Variants in SHANK1 observed in about 807,000 individuals in gnomAD.
SHANK1 encodes SH3 and multiple ankyrin repeat domains protein 1.
SHANK1 carries 35 observed loss-of-function variants against 165.6 expected under a neutral mutation model. The ratio of observed to expected loss-of-function variants is 0.21; its 90% CI spans 0.16 to 0.28. The LOEUF is 0.28. SHANK1 is among the 10% of genes least tolerant of loss of function. SHANK1 has a pLI of 1.00. For synonymous variants in SHANK1, 1,428 were observed against 1,384.8 expected (o/e 1.03, Z -0.69); for missense variants, 2,681 against 3,036.4 (o/e 0.88, Z 2.75).
intron 15 of SHANK1, among the ~76,000 whole-genome samples, chr19:50,694,019 C>CCA (rs398034977): frequency 0.15 from 20,927 of 138,392 alleles, 1,484 homozygotes; most frequent in East Asian, 0.25. Flanking sequence ...CCAGCACACA[C>CCA]CACACACACA....
At position 50,718,918 on chromosome 19, in the gene SHANK1, G is replaced by T. The variant is rs1475295172; in HGVS notation, c.-44+488C>A. On this transcript the variant is annotated intron_variant, in intron 1 of 23. Coordinates refer to ENST00000293441, the MANE Select transcript of SHANK1 (RefSeq NM_016148.5). This position sits in a 1 kb window ranked among gnomAD's most constrained non-coding sequence, Gnocchi z 5.1. ...GTGGGGACGCAGGGAGCTTGGACAG[G>T]GGTGGAAAGGGACTGGAGGAGCCTG... Among the ~76,000 whole-genome samples the T allele has an allele frequency of 3.3e-5, 5 of 151,976 alleles. No individual in the cohort carries two copies. In the East Asian group the frequency reaches 9.8e-4, roughly 30 times the overall value.
intron 21 of SHANK1, among the ~76,000 whole-genome samples, chr19:50,676,176 G>A (rs1031775558): frequency 1.1e-4 from 16 of 151,022 alleles, no homozygotes; most frequent in Non-Finnish European, 1.3e-4. Flanking sequence ...GGTGGCATGT[G>A]CCTGTTATCC....
intron 15 of SHANK1, among the ~76,000 whole-genome samples, chr19:50,696,268 G>A (rs1362000033): frequency 1.2e-4 from 19 of 152,068 alleles, no homozygotes; most frequent in Non-Finnish European, 1.5e-5. Flanking sequence ...CTCGGGGTGT[G>A]GGGGGGTGTA....
At chr19:50,707,881 C>CTT (rs1334357898) in intron 8 of SHANK1, among the ~76,000 whole-genome samples, 1 of 2,596 alleles carries the variant, frequency 3.9e-4, no homozygotes, top group Non-Finnish European at 7.4e-4. Context: ...GCGTGTTTTT[C>CTT]TTTTCTTTTC....
chr19:50,680,116 G>C (rs1440623893), intron 21 of SHANK1, among the ~76,000 whole-genome samples: 4 of 152,054 alleles, frequency 2.6e-5, no homozygotes, highest in Non-Finnish European at 4.4e-5. Context: ...AGACAGATGG[G>C]GGAGAGAGGG....
chr19:50,708,953 A>AG (rs2088976126), intron 8 of SHANK1, among the ~76,000 whole-genome samples: 3 of 152,354 alleles, frequency 2.0e-5, no homozygotes, highest in Middle Eastern at 6.8e-3. Context: ...CAGGAGGCCA[A>AG]GGCGGCAGAG....
intron 8 of SHANK1, among the ~76,000 whole-genome samples, chr19:50,704,724 G>A (rs1323831370): frequency 5.9e-5 from 9 of 152,262 alleles, no homozygotes; most frequent in Non-Finnish European, 8.8e-5. Context: ...CCATGCATGC[G>A]AACTACACAC....
At chr19:50,672,555 C>CAAAAAAAAAAAAAAAA (rs3987747) in intron 21 of SHANK1, among the ~76,000 whole-genome samples, 3 of 35,504 alleles carry the variant, frequency 8.4e-5, no homozygotes, top group Admixed American at 3.2e-4. Flanking sequence ...GACTCTGTCT[C>CAAAAAAAAAAAAAAAA]AAAAAAAAAA....
chr19:50,687,190 C>T (rs1986376564), intron 19 of SHANK1: 1 of 512,144 alleles, frequency 2.0e-6, no homozygotes, highest in Non-Finnish European at 3.4e-6. Context: ...AAATGGGACC[C>T]CCAGGTCCAC....
At position 50,686,158 on chromosome 19, in the gene SHANK1, T is replaced by G; in HGVS notation, c.2577+79A>C. The G allele has an allele frequency of 2.5e-6, 2 of 787,554 alleles. No homozygotes were observed. Among genetic ancestry groups the G allele is most frequent in the Non-Finnish European group, 4.0e-6 (2 of 495,488 alleles). The allele number at this position is 787,554 out of a possible 1,614,324, so 48.8% of individuals were successfully genotyped here. A position where few individuals can be genotyped will look rare whatever the true frequency, so the allele number is the denominator to read the frequency against. On this transcript the variant is annotated intron_variant, in intron 21 of 23. Coordinates refer to ENST00000293441, the MANE Select transcript of SHANK1 (RefSeq NM_016148.5). The surrounding 1 kb of genome is among the most constrained non-coding windows in gnomAD (Gnocchi z 5.7). ...CTAAAGCACAGAGGCGTCAGGAGGG[T>G]TTTGGAAAGAGAAAGGCTCCAGGTT...
At chr19:50,678,250 T>C (rs774308547) in intron 21 of SHANK1, among the ~76,000 whole-genome samples, 9 of 151,112 alleles carry the variant, frequency 6.0e-5, no homozygotes, top group Non-Finnish European at 1.2e-4. Context: ...TGAGATAAAA[T>C]GGGAGGGGTA....
chr19:50,662,077 T>C lies in SHANK1; in HGVS notation c.6374A>G (p.Asp2125Gly). Residue 2125 changes from aspartate to glycine, a missense_variant, in exon 24 of 24, where the codon GAT (aspartate) becomes GGT (glycine). Physicochemically the swap from Asp to Gly is moderately conservative, Grantham distance 94. Transcript: ENST00000293441. This position sits in a 1 kb window ranked among gnomAD's most constrained non-coding sequence, Gnocchi z 7.7. The stretch of plus-strand genomic sequence containing the variant: ...GGTCAAGGCGGGCAGGTGGGAGCCA[T>C]CGATCTCGTGGTCCAGGAACTGGGC... ...HRAQFLDHEI[D>G]GSHLPALTKE... is the part of the protein sequence containing the mutation. The C allele has an allele frequency of 6.2e-7, 1 of 1,614,068 alleles. No individual in the cohort carries two copies. Among genetic ancestry groups the C allele is most frequent in the Non-Finnish European group, 8.5e-7 (1 of 1,180,002 alleles).
rs761408630 is a variant in SHANK1, at chr19:50,666,693, T to C, written c.5267A>G (p.Lys1756Arg). The C allele has an allele frequency of 6.3e-7, 1 of 1,584,356 alleles. No homozygotes were observed. Among genetic ancestry groups the C allele is most frequent in the Non-Finnish European group, 8.6e-7 (1 of 1,167,742 alleles). Residue 1756 changes from lysine to arginine, a missense_variant, in exon 23 of 24, where the codon AAG becomes AGG. By Grantham distance (26) the Lys-to-Arg change is conservative. This residue lies in a region of SHANK1 where 1,713 missense variants were observed against 1,630.2 expected (regional missense o/e 1.05). Transcript: ENST00000293441. ...GGCTCCTAGCGCCCGGCCCCGGAGC[T>C]TAGAGGGAGTCATGAGCTGAGGAGG... Reference protein sequence around the residue: ...PYPPQLMTPSKLRGRALGASG... With the variant: ...PYPPQLMTPSRLRGRALGASG...
At chr19:50,700,766 G>A (rs1309947772) in intron 12 of SHANK1, among the ~76,000 whole-genome samples, 4 of 152,014 alleles carry the variant, frequency 2.6e-5, no homozygotes, top group Non-Finnish European at 4.4e-5. Context: ...CTGCCTGCCC[G>A]GAAGGTCCTT....
chr19:50,668,144 C>T lies in SHANK1; in HGVS notation c.3816G>A (p.Leu1272=). The stretch of plus-strand genomic sequence containing the variant: ...GCGGGCCCGGGGCCGCCCCTGTGCC[C>T]AGCCCGCCGTCCCCGCCGTCCTCGT... ...AGDEDGGDGG[L]GTGAAPGPRL... The change falls in exon 23 of 24, where the codon CTG becomes CTA. Residue 1272 remains leucine, a synonymous_variant. Coordinates refer to ENST00000293441, the MANE Select transcript of SHANK1 (RefSeq NM_016148.5). The T allele has an allele frequency of 2.0e-6, 3 of 1,465,948 alleles. No homozygotes were observed. In the South Asian group the frequency reaches 4.0e-5, roughly 19 times the overall value. 90.8% of individuals were successfully genotyped at this position (1,465,948 alleles called of 1,614,324 possible). A position where few individuals can be genotyped will look rare whatever the true frequency, so the allele number is the denominator to read the frequency against.
At chr19:50,693,783 G>A (rs1431736015) in intron 15 of SHANK1, among the ~76,000 whole-genome samples, 2 of 152,124 alleles carry the variant, frequency 1.3e-5, no homozygotes, top group African/African-American at 4.8e-5. Flanking sequence ...ATGCAGCTCA[G>A]CCGGGGCTCA....
Position 50,667,343 on chromosome 19 carries a change from C to G in SHANK1, c.4617G>C (p.Glu1539Asp). ...GCAGGACCAGCAGGGGCAGCCCGTT[C>G]TCTTCGCTGGCCCTCGGGGAGGTCG... ...PSPTSPRASEENGLPLLVLPP... is the reference protein window; with the variant it reads ...PSPTSPRASEDNGLPLLVLPP... The change falls in exon 23 of 24, where the codon GAG (glutamate) becomes GAC (aspartate). Residue 1539 changes from glutamate (E) to aspartate (D), a missense_variant. By Grantham distance (45) the Glu-to-Asp change is conservative. Around this residue, in one of 10 missense-constraint regions of SHANK1, gnomAD observed 1,713 missense variants for 1,630.2 expected, o/e 1.05. Transcript: ENST00000293441. This position sits in a 1 kb window ranked among gnomAD's most constrained non-coding sequence, Gnocchi z 5.7. The G allele has an allele frequency of 6.4e-7, 1 of 1,564,272 alleles. No individual in the cohort carries two copies. The highest frequency in any genetic ancestry group is 8.6e-7 in the Non-Finnish European group (1 of 1,161,178).
chr19:50,668,242 C>T lies in SHANK1; in HGVS notation c.3718G>A (p.Ala1240Thr). The change falls in exon 23 of 24, where the codon GCC becomes ACC. Residue 1240 changes from alanine to threonine, a missense_variant. By Grantham distance (58) the Ala-to-Thr change is moderately conservative. Coordinates refer to ENST00000293441, the MANE Select transcript of SHANK1 (RefSeq NM_016148.5). ...SQFGAALVGA[A>T]RREGGWQNEA... ...TTCTGCCAGCCCCCCTCCCTCCGGG[C>T]CGCCCCCACCAGGGCGGCCCCGAAC... The T allele has an allele frequency of 6.9e-7, 1 of 1,458,096 alleles. No individual in the cohort carries two copies. The highest frequency in any genetic ancestry group is 8.9e-7 in the Non-Finnish European group (1 of 1,120,004). 90.3% of individuals were successfully genotyped at this position (1,458,096 alleles called of 1,614,324 possible).
intron 23 of SHANK1, among the ~76,000 whole-genome samples, chr19:50,663,328 A>AG (rs1985343926): frequency 6.6e-6 from 1 of 151,970 alleles, no homozygotes; most frequent in Non-Finnish European, 1.5e-5. Context: ...AGAAGAAACA[A>AG]GGGGAGAAAA....
Sources: allele counts gnomAD v4.1 joint callset (sites outside exome capture counted in the v4.1 genomes callset), GRCh38; gene constraint gnomAD v4.1.1; regional missense constraint gnomAD v4.1.1; non-coding constraint Gnocchi (gnomAD v3.1); transcripts MANE v1.5; gene names NCBI Gene and HGNC (gene_info 2026-07-23, HGNC 2026-07-21).